Variants in GJA5 observed in about 807,000 individuals in gnomAD.
GJA5 encodes the protein gap junction alpha-5 protein.
GJA5 carries 3 observed loss-of-function variants against 7.9 expected under a neutral mutation model. The observed-to-expected ratio is 0.38, with a 90% CI of 0.17 to 0.99. The LOEUF (loss-of-function observed/expected upper bound fraction) is 0.99. Ranked by LOEUF, GJA5 falls within the 50% of genes least tolerant of loss-of-function variation. The pLI is 0.38. For synonymous variants in GJA5, 193 were observed against 181.0 expected (o/e 1.07, Z -0.53); for missense variants, 390 against 457.9 (o/e 0.85, Z 1.35).
chr1:147,758,966 C>T lies in GJA5; in HGVS notation c.273G>A (p.Val91=), dbSNP rs782435078. Residue 91 remains valine, a synonymous_variant, in exon 2 of 2, where the codon GTG becomes GTA. Transcript: ENST00000579774. ...CAGTGTGCATGGCGTGGCCCATGTA[C>T]ACCAGAGAGGGCGTGGAGACGAAGA... ...QIIFVSTPSL[V]YMGHAMHTVR... is the part of the protein sequence containing the mutation. 1 of 1,614,206 alleles carries T rather than the reference C, an allele frequency of 6.2e-7. No homozygotes were observed. Among genetic ancestry groups the T allele is most frequent in the East Asian group, 2.2e-5 (1 of 44,866 alleles).
At chr1:147,764,679 C>T (rs1664135303), upstream of GJA5, among the ~76,000 whole-genome samples, 1 of 152,038 alleles carries the variant, frequency 6.6e-6, no homozygotes, top group South Asian at 2.1e-4. Context: ...CAAAAATTAG[C>T]CCAGTGTGGT....
intron 1 of GJA5, among the ~76,000 whole-genome samples, chr1:147,768,934 C>CT (rs1416302532): frequency 5.3e-5 from 8 of 152,354 alleles, no homozygotes; most frequent in African/African-American, 1.4e-4. Flanking sequence ...AGGACTAGGA[C>CT]TGATAGATGA....
rs186143033 is a variant in GJA5 at position 147,757,040 on chromosome 1, T to C, written c.*1122A>G. 3 of 152,378 alleles carry C rather than the reference T, an allele frequency of 2.0e-5. No homozygotes were observed. The East Asian group carries it at 5.8e-4, about 29-fold the overall frequency. The allele number at this position is 152,378 out of a possible 1,614,324, so 9.4% of individuals were successfully genotyped here. ...TCCATAGCTGTCATCACACCTCCTC[T>C]TGGCACTAAGTTGGCAGTCAGCAAA... On this transcript the variant is annotated 3_prime_UTR_variant, in exon 2 of 2. Coordinates refer to ENST00000579774, the MANE Select transcript of GJA5 (RefSeq NM_181703.4).
Position 147,758,947 on chromosome 1 carries a change from G to A in GJA5, c.292C>T (p.His98Tyr). 2 of 1,614,212 alleles carry A rather than the reference G, an allele frequency of 1.2e-6. No individual in the cohort carries two copies. The highest frequency in any genetic ancestry group is 4.5e-5 in the East Asian group (2 of 44,868). Reference protein sequence around the residue: ...PSLVYMGHAMHTVRMQEKRKL... With the variant: ...PSLVYMGHAMYTVRMQEKRKL... ...CGCTTCTCCTGCATGCGCACAGTGT[G>A]CATGGCGTGGCCCATGTACACCAGA... is the stretch of plus-strand genomic sequence containing the variant. Residue 98 changes from histidine to tyrosine, a missense_variant, in exon 2 of 2, where the codon CAC becomes TAC. Coordinates refer to ENST00000579774, the MANE Select transcript of GJA5 (RefSeq NM_181703.4).
rs782706541 is a variant in GJA5, at chr1:147,758,517, G to C, written c.722C>G (p.Pro241Arg). 21 of 1,613,866 alleles carry C rather than the reference G, an allele frequency of 1.3e-5. No individual in the cohort carries two copies. Among genetic ancestry groups the C allele is most frequent in the South Asian group, 2.2e-5 (2 of 91,078 alleles). Residue 241 changes from proline to arginine, a missense_variant, in exon 2 of 2, where the codon CCG (proline) becomes CGG (arginine). Transcript: ENST00000579774. ...WKKIRQRFVK[P>R]RQHMAKCQLS... is the part of the protein sequence containing the mutation. Reference sequence around the variant, plus strand: ...CTGGCACTTAGCCATGTGCTGCCGCGGTTTGACAAATCGCTGTCTGATCTT... The same window carrying C: ...CTGGCACTTAGCCATGTGCTGCCGCCGTTTGACAAATCGCTGTCTGATCTT...
chr1:147,766,539 T>C (rs1664208985), intron 1 of GJA5, among the ~76,000 whole-genome samples: 1 of 152,098 alleles, frequency 6.6e-6, no homozygotes, highest in South Asian at 2.1e-4. Flanking sequence ...TGGAAGCCAC[T>C]GAGTGTTTCT....
At chr1:147,769,083 T>C (rs1664309940) in intron 1 of GJA5, among the ~76,000 whole-genome samples, 1 of 152,238 alleles carries the variant, frequency 6.6e-6, no homozygotes. Flanking sequence ...ATCCCTTACA[T>C]ATGCTGTTCC....
At chr1:147,771,820 G>C (rs587755778) in intron 1 of GJA5, among the ~76,000 whole-genome samples, 1 of 152,326 alleles carries the variant, frequency 6.6e-6, no homozygotes, top group African/African-American at 2.4e-5. Context: ...GGCTTGGAGG[G>C]ACAGCCAGGG....
intron 1 of GJA5, among the ~76,000 whole-genome samples, chr1:147,759,675 G>A (rs1339418310): frequency 6.6e-6 from 1 of 152,160 alleles, no homozygotes; most frequent in Non-Finnish European, 1.5e-5. Flanking sequence ...AGAAACACGA[G>A]TATTAAAAAG....
rs1177789465 is a variant in GJA5, at chr1:147,760,566, G to A, written c.-101C>T. The A allele has an allele frequency of 2.0e-5, 3 of 152,510 alleles. No individual in the cohort carries two copies. The highest frequency in any genetic ancestry group is 7.2e-5 in the African/African-American group (3 of 41,566). 9.4% of individuals were successfully genotyped at this position (152,510 alleles called of 1,614,324 possible). ...TGTCTGTGTTCTCCCAGGAGGGACT[G>A]TTTGAAAATGGAGACTGTCTTTTCT... On this transcript the variant is annotated 5_prime_UTR_variant, in exon 1 of 2. Transcript: ENST00000579774.
chr1:147,770,757 T>C (rs1364898605), intron 1 of GJA5, among the ~76,000 whole-genome samples: 1 of 152,150 alleles, frequency 6.6e-6, no homozygotes, highest in East Asian at 1.9e-4. Flanking sequence ...ACCTCCTGAC[T>C]CTCAGTGGAC....
Position 147,758,882 on chromosome 1 carries a change from G to C in GJA5, c.357C>G (p.Gly119=). 1 of 1,614,226 alleles carries C rather than the reference G, an allele frequency of 6.2e-7. No homozygotes were observed. The highest frequency in any genetic ancestry group is 8.5e-7 in the Non-Finnish European group (1 of 1,180,006). The change falls in exon 2 of 2, where the codon GGC becomes GGG. Residue 119 remains glycine, a synonymous_variant. Transcript: ENST00000579774. ...REAERAKEVR[G]SGSYEYPVAE... The stretch of plus-strand genomic sequence containing the variant: ...CCACCGGGTACTCGTAAGAGCCAGA[G>C]CCCCGGACCTCTTTGGCCCTCTCGG...
chr1:147,772,268 A>G (rs1226903541), intron 1 of GJA5, among the ~76,000 whole-genome samples: 1 of 152,160 alleles, frequency 6.6e-6, no homozygotes, highest in Non-Finnish European at 1.5e-5. Flanking sequence ...CCTCTATTAT[A>G]ATGGAATACT....
At chr1:147,764,584 G>A (rs1280841558), upstream of GJA5, among the ~76,000 whole-genome samples, 1 of 152,206 alleles carries the variant, frequency 6.6e-6, no homozygotes, top group East Asian at 1.9e-4. Context: ...CAGCACTTTG[G>A]AAGGCCGAGG....
chr1:147,768,145 G>A (rs1664274659), intron 1 of GJA5, among the ~76,000 whole-genome samples: 1 of 152,186 alleles, frequency 6.6e-6, no homozygotes, highest in Non-Finnish European at 1.5e-5. Flanking sequence ...GGGAAAGGAA[G>A]ATAGAGATAA....
intron 1 of GJA5, among the ~76,000 whole-genome samples, chr1:147,770,495 G>A (rs981414823): frequency 2.0e-5 from 3 of 152,086 alleles, no homozygotes; most frequent in African/African-American, 7.2e-5. Flanking sequence ...ATATGTCGTA[G>A]GAAGCCTTTC....
chr1:147,771,828 G>A (rs1664414190), intron 1 of GJA5, among the ~76,000 whole-genome samples: 1 of 152,216 alleles, frequency 6.6e-6, no homozygotes. Context: ...GGGACAGCCA[G>A]GGGAGCAGGC....
chr1:147,767,814 A>G (rs751577621), intron 1 of GJA5, among the ~76,000 whole-genome samples: 128 of 152,306 alleles, frequency 8.4e-4, no homozygotes, highest in Non-Finnish European at 1.6e-3. Context: ...GCTAAACTCT[A>G]TCTAAATCAC....
chr1:147,758,075 G>A lies in GJA5; in HGVS notation c.*87C>T. On this transcript the variant is annotated 3_prime_UTR_variant, in exon 2 of 2. Coordinates refer to ENST00000579774, the MANE Select transcript of GJA5 (RefSeq NM_181703.4). ...AAAGGAGCCAAGCAGTGATGACAGT[G>A]AGAAAGCATCAGTTCAGAAGGGACA... 1.1e-6 allele frequency: 1 copy of A among 932,646 alleles called. No individual in the cohort carries two copies. Among genetic ancestry groups the A allele is most frequent in the Non-Finnish European group, 1.8e-6 (1 of 562,186 alleles). The allele number at this position is 932,646 out of a possible 1,614,324, so 57.8% of individuals were successfully genotyped here.
Sources: allele counts gnomAD v4.1 joint callset (sites outside exome capture counted in the v4.1 genomes callset), GRCh38; gene constraint gnomAD v4.1.1; transcripts MANE v1.5; gene names NCBI Gene and HGNC (gene_info 2026-07-23, HGNC 2026-07-21).